Variants in MTRF1 observed in about 807,000 individuals in gnomAD.
The protein encoded by MTRF1 is mitochondrial translation release factor 1, also known as peptide chain release factor 1, mitochondrial.
In MTRF1, 51 loss-of-function variants were observed where a neutral mutation model predicts 62.9. That is an observed-to-expected ratio of 0.81 (90% CI 0.65 to 1.02). MTRF1 has a LOEUF of 1.02. MTRF1 is among the 50% of genes least tolerant of loss of function. MTRF1 has a pLI of 0.00. For synonymous variants in MTRF1, 158 were observed against 181.9 expected (o/e 0.87, Z 1.06); for missense variants, 446 against 530.0 (o/e 0.84, Z 1.56).
chr13:41,235,094 T>A (rs1188789361), intron 6 of MTRF1: 1 of 22,484 alleles, frequency 4.4e-5, no homozygotes, highest in African/African-American at 1.2e-4. Flanking sequence ...TTTAGCTAAT[T>A]TTTTTTTTTT....
the MTRF1 span, among the ~76,000 whole-genome samples, chr13:41,307,775 A>C: frequency 6.6e-6 from 1 of 152,188 alleles, no homozygotes; most frequent in African/African-American, 2.4e-5. Context: ...CTGTGAGCCA[A>C]TTAAACTTCT....
intron 5 of MTRF1, among the ~76,000 whole-genome samples, chr13:41,243,131 A>G (rs759739789): frequency 1.5e-4 from 23 of 152,262 alleles, no homozygotes; most frequent in Middle Eastern, 3.4e-3. Context: ...AGGCAGAAGA[A>G]TCGCTTGAAC....
At chr13:41,245,226 A>G (rs1195112609) in intron 5 of MTRF1, among the ~76,000 whole-genome samples, 1 of 148,520 alleles carries the variant, frequency 6.7e-6, no homozygotes, top group Non-Finnish European at 1.5e-5. Flanking sequence ...CTGATTTATC[A>G]GATTCTTTGA....
At chr13:41,221,376 G>A (rs1187606251) in intron 9 of MTRF1, among the ~76,000 whole-genome samples, 1 of 151,916 alleles carries the variant, frequency 6.6e-6, no homozygotes, top group Non-Finnish European at 1.5e-5. Context: ...AGCCAGGATG[G>A]TCTCGATTCC....
chr13:41,224,362 A>G (rs1163841731), intron 8 of MTRF1, among the ~76,000 whole-genome samples: 1 of 152,184 alleles, frequency 6.6e-6, no homozygotes, highest in African/African-American at 2.4e-5. Context: ...CGATATACAC[A>G]GCACCCTGTG....
chr13:41,256,806 C>T (rs1162869847), intron 2 of MTRF1, among the ~76,000 whole-genome samples: 3 of 152,016 alleles, frequency 2.0e-5, no homozygotes, highest in Non-Finnish European at 4.4e-5. Context: ...CTGTAGAATC[C>T]GTCTAATTCA....
the MTRF1 span, among the ~76,000 whole-genome samples, chr13:41,274,281 A>G: frequency 6.6e-6 from 1 of 152,204 alleles, no homozygotes; most frequent in Non-Finnish European, 1.5e-5. Flanking sequence ...TCTTGTTAGC[A>G]CTGTGAGGTG....
the MTRF1 span, among the ~76,000 whole-genome samples, chr13:41,269,128 C>T: frequency 6.9e-6 from 1 of 144,892 alleles, no homozygotes; most frequent in Non-Finnish European, 1.5e-5. Flanking sequence ...AAAACAAAAC[C>T]TCTTTATTTT....
chr13:41,311,656 G>T, the MTRF1 span: 1 of 1,407,256 alleles, frequency 7.1e-7, no homozygotes. Context: ...CGGTCTGGCG[G>T]CGGCCGGCGC....
intron 2 of MTRF1, among the ~76,000 whole-genome samples, chr13:41,255,320 G>C (rs372604222): frequency 6.6e-6 from 1 of 152,106 alleles, no homozygotes; most frequent in Non-Finnish European, 1.5e-5. Flanking sequence ...GGACTCAAGC[G>C]ATCTTCCTGC....
At chr13:41,290,285 G>C in the MTRF1 span, among the ~76,000 whole-genome samples, 1 of 151,400 alleles carries the variant, frequency 6.6e-6, no homozygotes, top group Non-Finnish European at 1.5e-5. Flanking sequence ...ATTTTTAGTA[G>C]AGACGGGGTT....
At chr13:41,228,350 T>C (rs548413512) in intron 7 of MTRF1, among the ~76,000 whole-genome samples, 5 of 152,108 alleles carry the variant, frequency 3.3e-5, no homozygotes, top group Non-Finnish European at 5.9e-5. Context: ...GTGGATTATT[T>C]GAGGCCAGAA....
the MTRF1 span, among the ~76,000 whole-genome samples, chr13:41,295,506 G>A: frequency 2.0e-5 from 3 of 152,036 alleles, no homozygotes; most frequent in African/African-American, 7.2e-5. Context: ...GGCTTCTCAT[G>A]AGGAAAAGCA....
chr13:41,258,804 T>C (rs923984955), intron 2 of MTRF1, among the ~76,000 whole-genome samples: 5 of 152,056 alleles, frequency 3.3e-5, no homozygotes, highest in Admixed American at 1.3e-4. Context: ...AAAAATATCA[T>C]GCTTCAAAAG....
the MTRF1 span, among the ~76,000 whole-genome samples, chr13:41,293,299 T>C: frequency 6.6e-6 from 1 of 152,234 alleles, no homozygotes; most frequent in Admixed American, 6.5e-5. Context: ...TAATTAATCC[T>C]AATGGCTTTT....
At chr13:41,273,250 C>G in the MTRF1 span, among the ~76,000 whole-genome samples, 1 of 150,912 alleles carries the variant, frequency 6.6e-6, no homozygotes, top group African/African-American at 2.4e-5. Context: ...GGCATGAACC[C>G]GGGTGGCGGA....
the MTRF1 span, among the ~76,000 whole-genome samples, chr13:41,311,937 C>G: frequency 1.3e-5 from 2 of 152,250 alleles, no homozygotes; most frequent in East Asian, 1.9e-4. Context: ...CTCAGGGATC[C>G]TCCCCCGGTG....
At chr13:41,311,512 C>G in the MTRF1 span, 1 of 1,593,592 alleles carries the variant, frequency 6.3e-7, no homozygotes, top group Non-Finnish European at 8.5e-7. Flanking sequence ...GGCCACCTAG[C>G]CTCCCTGCCG....
the MTRF1 span, among the ~76,000 whole-genome samples, chr13:41,290,398 CT>C: frequency 5.8e-4 from 70 of 120,954 alleles, no homozygotes; most frequent in South Asian, 1.8e-3. Context: ...CACACCCAGC[CT>C]TTTTTTTTTT....
Sources: allele counts gnomAD v4.1 joint callset (sites outside exome capture counted in the v4.1 genomes callset), GRCh38; gene constraint gnomAD v4.1.1; transcripts MANE v1.5; gene names NCBI Gene and HGNC (gene_info 2026-07-23, HGNC 2026-07-21).